Variants in SGCZ observed in about 807,000 individuals in gnomAD.
SGCZ encodes the protein zeta-sarcoglycan.
SGCZ carries 40 observed loss-of-function variants against 41.3 expected under a neutral mutation model. That is an observed-to-expected ratio of 0.97 (90% CI 0.75 to 1.26). The LOEUF (loss-of-function observed/expected upper bound fraction) is 1.26. Ranked by LOEUF, SGCZ falls within the 50% of genes most tolerant of loss-of-function variation. The pLI, the probability that SGCZ is intolerant of heterozygous loss-of-function variation, is 0.00. For synonymous variants in SGCZ, 206 were observed against 137.5 expected (o/e 1.50, Z -3.49); for missense variants, 552 against 369.8 (o/e 1.49, Z -4.04).
intron 1 of SGCZ, among the ~76,000 whole-genome samples, chr8:15,212,611 A>T (rs1034872739): frequency 6.6e-6 from 1 of 152,054 alleles, no homozygotes; most frequent in South Asian, 2.1e-4. Context: ...TCTGTCAATG[A>T]TTTTGAATAT....
chr8:14,689,399 C>G (rs1294222206), intron 1 of SGCZ, among the ~76,000 whole-genome samples: 1 of 152,006 alleles, frequency 6.6e-6, no homozygotes, highest in African/African-American at 2.4e-5. Flanking sequence ...ATGTATATGT[C>G]AATAAACAAA....
At chr8:14,141,596 C>G (rs1221034240) in intron 5 of SGCZ, among the ~76,000 whole-genome samples, 4 of 152,134 alleles carry the variant, frequency 2.6e-5, no homozygotes, top group African/African-American at 9.7e-5. Context: ...CAGAGAAATG[C>G]AAATAAAAAC....
In SGCZ at chr8:14,338,377, C is replaced by T. The variant is rs568927547; in HGVS notation, c.235-14173G>A. ...CCATCTTTCCAAGGGTAGACACCCA[C>T]GTGGGTAGCTTATGTAACTGACCAA... is the stretch of plus-strand genomic sequence containing the variant. On this transcript the variant is annotated intron_variant, in intron 2 of 7. Coordinates refer to ENST00000382080, the MANE Select transcript of SGCZ (RefSeq NM_139167.4). Among the ~76,000 whole-genome samples, 6 of 152,274 alleles carry T rather than the reference C, an allele frequency of 3.9e-5. No homozygotes were observed. In the South Asian group the frequency reaches 6.2e-4, roughly 16 times the overall value.
intron 1 of SGCZ, among the ~76,000 whole-genome samples, chr8:14,977,671 C>T (rs1801522057): frequency 6.6e-6 from 1 of 151,882 alleles, no homozygotes; most frequent in Non-Finnish European, 1.5e-5. Context: ...ACAAGAACAC[C>T]AAAGAAAAGC....
At chr8:15,104,520 C>A (rs181091437) in intron 1 of SGCZ, among the ~76,000 whole-genome samples, 2 of 152,306 alleles carry the variant, frequency 1.3e-5, no homozygotes, top group Non-Finnish European at 1.5e-5. Flanking sequence ...AAGTAAAATT[C>A]TCTTTCTTGC....
At chr8:14,369,041 G>C (rs1803818376) in intron 2 of SGCZ, among the ~76,000 whole-genome samples, 1 of 151,648 alleles carries the variant, frequency 6.6e-6, no homozygotes, top group Admixed American at 6.6e-5. Flanking sequence ...GTGTGTGTGT[G>C]TGTGTGTGTG....
chr8:14,769,285 G>C (rs541766018), intron 1 of SGCZ, among the ~76,000 whole-genome samples: 1 of 152,224 alleles, frequency 6.6e-6, no homozygotes, highest in East Asian at 1.9e-4. Context: ...GAATTCACAA[G>C]GGGCTTATCA....
At chr8:15,083,676 G>A (rs1805841709) in intron 1 of SGCZ, among the ~76,000 whole-genome samples, 1 of 152,138 alleles carries the variant, frequency 6.6e-6, no homozygotes, top group South Asian at 2.1e-4. Flanking sequence ...AGCCTCCAGA[G>A]TAGCTGAGGC....
chr8:14,209,278 G>C (rs2117090726), intron 4 of SGCZ, among the ~76,000 whole-genome samples: 1 of 152,222 alleles, frequency 6.6e-6, no homozygotes, highest in Non-Finnish European at 1.5e-5. Flanking sequence ...TGTATTCCAT[G>C]GTGGGCCAGA....
In SGCZ at chr8:14,908,762, A is replaced by AAG. The variant is rs919031055; in HGVS notation, c.39+328821_39+328822dup. On this transcript the variant is annotated intron_variant, in intron 1 of 7. Coordinates refer to ENST00000382080, the MANE Select transcript of SGCZ (RefSeq NM_139167.4). ...CCGTTGCAAAAAAAAAAAAAAAAAAAAGAGAGAGAGATTCAGAGAACCTAA... is the reference window on the plus strand; with the variant it reads ...CCGTTGCAAAAAAAAAAAAAAAAAAAAGAGAGAGAGAGATTCAGAGAACCTAA... 1.7e-3 allele frequency among the ~76,000 whole-genome samples: 249 copies of AAG among 150,654 alleles called. 1 individual carries two copies. The highest frequency in any genetic ancestry group is 5.4e-3 in the African/African-American group (223 of 41,016).
chr8:14,431,464 T>C (rs976755625), intron 2 of SGCZ, among the ~76,000 whole-genome samples: 1 of 112,822 alleles, frequency 8.9e-6, no homozygotes. Flanking sequence ...CAACAATTAG[T>C]GCTGGGAAAA....
chr8:14,472,428 T>C (rs1167266064), intron 2 of SGCZ, among the ~76,000 whole-genome samples: 1 of 152,102 alleles, frequency 6.6e-6, no homozygotes, highest in Non-Finnish European at 1.5e-5. Context: ...TGAATAGTGG[T>C]GAGTTGATGA....
chr8:14,753,830 A>G (rs1281936046), intron 1 of SGCZ, among the ~76,000 whole-genome samples: 1 of 152,194 alleles, frequency 6.6e-6, no homozygotes, highest in Non-Finnish European at 1.5e-5. Flanking sequence ...CAGGGTGGAC[A>G]ACTTTCACTA....
At chr8:14,697,015 A>G (rs1191583986) in intron 1 of SGCZ, among the ~76,000 whole-genome samples, 4 of 152,074 alleles carry the variant, frequency 2.6e-5, no homozygotes, top group African/African-American at 9.6e-5. Context: ...TCTTACATTA[A>G]ATATGGGGAA....
At chr8:15,093,634 T>C (rs951728918) in intron 1 of SGCZ, among the ~76,000 whole-genome samples, 6 of 152,228 alleles carry the variant, frequency 3.9e-5, no homozygotes, top group African/African-American at 1.4e-4. Context: ...GGCATACCTC[T>C]TCATCAGGGA....
At chr8:14,357,443 A>G (rs1284457492) in intron 2 of SGCZ, among the ~76,000 whole-genome samples, 2 of 152,242 alleles carry the variant, frequency 1.3e-5, no homozygotes, top group African/African-American at 4.8e-5. Flanking sequence ...TAACATTGAC[A>G]ATAATCAGTG....
At chr8:14,203,265 C>T (rs945073928) in intron 4 of SGCZ, among the ~76,000 whole-genome samples, 1 of 152,112 alleles carries the variant, frequency 6.6e-6, no homozygotes. Context: ...TAAATAGATG[C>T]TATTTGAATA....
intron 1 of SGCZ, among the ~76,000 whole-genome samples, chr8:14,910,466 TTAG>T (rs1373602376): frequency 4.0e-5 from 6 of 150,940 alleles, no homozygotes; most frequent in African/African-American, 1.5e-4. Context: ...AATCTTAAAT[TTAG>T]TAAATCTTGA....
chr8:14,430,355 G>C (rs1043361284), intron 2 of SGCZ, among the ~76,000 whole-genome samples: 5 of 152,050 alleles, frequency 3.3e-5, no homozygotes, highest in African/African-American at 1.2e-4. Context: ...CCATAATCAA[G>C]TGGGTTTCAT....
Sources: gnomAD v4.1 joint callset for allele counts (sites outside exome capture counted in the v4.1 genomes callset) on GRCh38, gnomAD v4.1.1 for gene constraint, MANE v1.5 for transcripts, NCBI Gene and HGNC (gene_info 2026-07-23, HGNC 2026-07-21) for gene names.